The following ZFP91 variants were observed in gnomAD, a reference collection of about 807,000 sequenced individuals.
ZFP91 encodes the protein E3 ubiquitin-protein ligase ZFP91.
A neutral mutation model predicts 63.5 loss-of-function variants in ZFP91; 7 were observed. The observed-to-expected ratio is 0.11, with a 90% CI of 0.06 to 0.21. The LOEUF (loss-of-function observed/expected upper bound fraction) is 0.21, where lower values mean the gene tolerates loss of function less well. Among genes scored for constraint, ZFP91 ranks in the 10% least tolerant of loss-of-function variants. ZFP91 has a pLI of 1.00. For missense variants in ZFP91, 628 were observed against 736.6 expected (o/e 0.85, Z 1.71); for synonymous variants, 330 against 272.1 (o/e 1.21, Z -2.10).
rs1590628437 is a variant in ZFP91, at chr11:58,611,590, A to G, written c.723-14A>G. On this transcript the variant is annotated splice_polypyrimidine_tract_variant and intron_variant, in intron 5 of 10. Coordinates refer to ENST00000316059, the MANE Select transcript of ZFP91 (RefSeq NM_053023.5). ...GATCTTTTGTCTAGTATTGAAATGC[A>G]TTTGTGTTTTCAGGGAAACCCCAAA... is the stretch of plus-strand genomic sequence containing the variant. 1 of 1,610,506 alleles carries G rather than the reference A, an allele frequency of 6.2e-7. No homozygotes were observed. Among genetic ancestry groups the G allele is most frequent in the Non-Finnish European group, 8.5e-7 (1 of 1,178,358 alleles).
chr11:58,579,236 C>A lies in ZFP91; in HGVS notation c.-46C>A. 7.4e-7 allele frequency: 1 copy of A among 1,356,160 alleles called. No individual in the cohort carries two copies. Among genetic ancestry groups the A allele is most frequent in the Non-Finnish European group, 9.4e-7 (1 of 1,059,564 alleles). 84.0% of individuals were successfully genotyped at this position (1,356,160 alleles called of 1,614,324 possible). A position where few individuals can be genotyped will look rare whatever the true frequency, so the allele number is the denominator to read the frequency against. On this transcript the variant is annotated 5_prime_UTR_variant, in exon 1 of 11. Transcript: ENST00000316059. ...GGAGCAGCGCCGAGGCCGCCGCCTC[C>A]GCCTCCGCCGCCTAGGACTAGGGGG... is the stretch of plus-strand genomic sequence containing the variant.
At chr11:58,591,432 A>G (rs114804389) in intron 2 of ZFP91, among the ~76,000 whole-genome samples, 66 of 152,304 alleles carry the variant, frequency 4.3e-4, no homozygotes, top group African/African-American at 1.5e-3. Flanking sequence ...TTTTTGAAAT[A>G]TAGTGTTATT....
chr11:58,589,976 T>C (rs1590612950), intron 2 of ZFP91, among the ~76,000 whole-genome samples: 1 of 152,232 alleles, frequency 6.6e-6, no homozygotes, highest in Non-Finnish European at 1.5e-5. Context: ...GCTCAACTTA[T>C]TGCCATCTTC....
chr11:58,611,002 A>G lies in ZFP91; in HGVS notation c.670A>G (p.Ile224Val). The change falls in exon 5 of 11, where the codon ATA becomes GTA. Residue 224 changes from isoleucine (I) to valine (V), a missense_variant. This residue lies in a region of ZFP91 where 437 missense variants were observed against 380.3 expected (regional missense o/e 1.15). Coordinates refer to ENST00000316059, the MANE Select transcript of ZFP91 (RefSeq NM_053023.5). Reference sequence around the variant, plus strand: ...AGAGATGTTAATCAGTGAAGAGGAGATACCATTCAAAGATGATCCAAGAGA... The same window carrying G: ...AGAGATGTTAATCAGTGAAGAGGAGGTACCATTCAAAGATGATCCAAGAGA... ...EEEMLISEEE[I>V]PFKDDPRDET... 6.2e-7 allele frequency: 1 copy of G among 1,613,338 alleles called. No homozygotes were observed. Among genetic ancestry groups the G allele is most frequent in the Non-Finnish European group, 8.5e-7 (1 of 1,179,718 alleles).
At position 58,617,631 on chromosome 11, in the gene ZFP91, G is replaced by A. The variant is rs1233678793; in HGVS notation, c.1638G>A (p.Gly546=). 6.3e-7 allele frequency: 1 copy of A among 1,585,400 alleles called. No homozygotes were observed. The highest frequency in any genetic ancestry group is 8.6e-7 in the Non-Finnish European group (1 of 1,166,600). ...GCGGCAGCAGTGGAGGCACTGAAGGGCTGGTTATGAACTCAGATATACTCG... is the reference window on the plus strand; with the variant it reads ...GCGGCAGCAGTGGAGGCACTGAAGGACTGGTTATGAACTCAGATATACTCG... ...VGSGSSGGTE[G]LVMNSDILGA... is the part of the protein sequence containing the mutation. The change falls in exon 11 of 11, where the codon GGG becomes GGA. Residue 546 remains glycine, a synonymous_variant. Transcript: ENST00000316059. The surrounding 1 kb of genome is among the most constrained non-coding windows in gnomAD (Gnocchi z 4.2).
intron 7 of ZFP91, chr11:58,612,548 A>G (rs1293513438): frequency 1.6e-6 from 1 of 621,650 alleles, no homozygotes; most frequent in East Asian, 2.8e-5. Context: ...GGGGGTCATT[A>G]GTTTATTTGT....
Position 58,617,825 on chromosome 11 carries a change from C to G in ZFP91, c.*119C>G, listed in dbSNP as rs1855775360. On this transcript the variant is annotated 3_prime_UTR_variant, in exon 11 of 11. Transcript: ENST00000316059. The surrounding 1 kb of genome is among the most constrained non-coding windows in gnomAD (Gnocchi z 4.2). ...GAAATAACTGAAGGGCCTGCTCTTT[C>G]CATTGTGGATCACAGCACACACATA... The G allele has an allele frequency of 7.3e-6, 10 of 1,367,438 alleles. No individual in the cohort carries two copies. The highest frequency in any genetic ancestry group is 9.5e-6 in the Non-Finnish European group (10 of 1,050,526). The allele number at this position is 1,367,438 out of a possible 1,614,324, so 84.7% of individuals were successfully genotyped here.
chr11:58,615,441 T>C (rs940259726), intron 9 of ZFP91, among the ~76,000 whole-genome samples: 3 of 152,226 alleles, frequency 2.0e-5, no homozygotes, highest in East Asian at 1.9e-4. Flanking sequence ...TGAAAAACTT[T>C]TATAAATTCA....
At chr11:58,602,523 T>TTTCTA (rs1439867690) in intron 2 of ZFP91, among the ~76,000 whole-genome samples, 1 of 152,210 alleles carries the variant, frequency 6.6e-6, no homozygotes, top group Non-Finnish European at 1.5e-5. Context: ...CTAGATTGAT[T>TTTCTA]GACCCTCTCA....
chr11:58,606,220 A>G (rs1416495329), intron 2 of ZFP91, among the ~76,000 whole-genome samples: 3 of 151,934 alleles, frequency 2.0e-5, no homozygotes, highest in Non-Finnish European at 4.4e-5. Context: ...CGCTGCTACA[A>G]GCAGCCCAGC....
At chr11:58,590,124 G>C (rs890889201) in intron 2 of ZFP91, among the ~76,000 whole-genome samples, 1 of 152,160 alleles carries the variant, frequency 6.6e-6, no homozygotes, top group Non-Finnish European at 1.5e-5. Flanking sequence ...ATCCTTAGTG[G>C]GGAAAGCCAT....
At chr11:58,581,841 T>C (rs1280633718) in intron 1 of ZFP91, among the ~76,000 whole-genome samples, 2 of 152,100 alleles carry the variant, frequency 1.3e-5, no homozygotes, top group African/African-American at 4.8e-5. Flanking sequence ...TCCTTTTTTC[T>C]GCACAATGTT....
rs760433060 is a variant in ZFP91, at chr11:58,610,295, T to C, written c.581-3T>C. Reference sequence around the variant, plus strand: ...AATTTTGTTTTTGGCTTTGTTTTTCTAGATGTTGGAGAAGAGCATCAGTCT... The same window carrying C: ...AATTTTGTTTTTGGCTTTGTTTTTCCAGATGTTGGAGAAGAGCATCAGTCT... On this transcript the variant is annotated splice_polypyrimidine_tract_variant and splice_region_variant and intron_variant, in intron 3 of 10. Transcript: ENST00000316059. 4 of 1,592,262 alleles carry C rather than the reference T, an allele frequency of 2.5e-6. 1 individual carries two copies. The Admixed American group carries it at 7.4e-5, about 29-fold the overall frequency.
chr11:58,614,372 G>T, intron 9 of ZFP91, 29 bp downstream of exon 9: 1 of 1,499,718 alleles, frequency 6.7e-7, no homozygotes, highest in South Asian at 1.2e-5. Context: ...TATCAAGTAG[G>T]TAATTGCACT....
At chr11:58,583,033 T>C (rs1423110748) in intron 1 of ZFP91, among the ~76,000 whole-genome samples, 7 of 152,124 alleles carry the variant, frequency 4.6e-5, no homozygotes, top group Non-Finnish European at 1.0e-4. Context: ...TTACAGTTAT[T>C]TCAAGTGCAC....
intron 2 of ZFP91, among the ~76,000 whole-genome samples, chr11:58,606,716 CTG>C (rs1261741670): frequency 1.3e-5 from 2 of 152,164 alleles, no homozygotes; most frequent in East Asian, 3.9e-4. Context: ...ACTTTGGTCT[CTG>C]TGGTCTCTAA....
At position 58,621,434 on chromosome 11, in the gene ZFP91, A is replaced by G. The variant is rs1194434471; in HGVS notation, c.*3728A>G. ...ATATCAAGTACTGATTTTTATTTTA[A>G]AAAAGAAAAAACTATAATCCTTCTG... On this transcript the variant is annotated 3_prime_UTR_variant, in exon 11 of 11. Coordinates refer to ENST00000316059, the MANE Select transcript of ZFP91 (RefSeq NM_053023.5). Among the ~76,000 whole-genome samples, 2 of 152,176 alleles carry G rather than the reference A, an allele frequency of 1.3e-5. No individual in the cohort carries two copies. The highest frequency in any genetic ancestry group is 2.9e-5 in the Non-Finnish European group (2 of 68,022).
Position 58,618,822 on chromosome 11 carries a change from G to A in ZFP91, c.*1116G>A. 1 of 408,436 alleles carries A rather than the reference G, an allele frequency of 2.4e-6. No individual in the cohort carries two copies. The highest frequency in any genetic ancestry group is 3.6e-4 in the Middle Eastern group (1 of 2,808). 25.3% of individuals were successfully genotyped at this position (408,436 alleles called of 1,614,324 possible). On this transcript the variant is annotated 3_prime_UTR_variant, in exon 11 of 11. Coordinates refer to ENST00000316059, the MANE Select transcript of ZFP91 (RefSeq NM_053023.5). ...GAAGCCTTTTTAGGGAAGAATGTTA[G>A]GTTCATGGTAACTAGTATGCTCTTT...
intron 1 of ZFP91, among the ~76,000 whole-genome samples, chr11:58,580,303 T>G (rs890324557): frequency 7.2e-5 from 11 of 152,322 alleles, no homozygotes; most frequent in African/African-American, 2.4e-4. Flanking sequence ...ATGTAGGAAC[T>G]TCATCCTTGA....
Sources: allele counts gnomAD v4.1 joint callset (sites outside exome capture counted in the v4.1 genomes callset), GRCh38; gene constraint gnomAD v4.1.1; regional missense constraint gnomAD v4.1.1; non-coding constraint Gnocchi (gnomAD v3.1); transcripts MANE v1.5; gene names NCBI Gene and HGNC (gene_info 2026-07-23, HGNC 2026-07-21).